Variants in NEGR1 observed in about 807,000 individuals in gnomAD.
The protein encoded by NEGR1 is neuronal growth regulator 1, also known as IgLON family member 4.
A neutral mutation model predicts 40.9 loss-of-function variants in NEGR1; 10 were observed. The ratio of observed to expected loss-of-function variants is 0.24; its 90% CI spans 0.15 to 0.42. The LOEUF (loss-of-function observed/expected upper bound fraction) is 0.42, where lower values mean the gene tolerates loss of function less well. Among genes scored for constraint, NEGR1 ranks in the 10% least tolerant of loss-of-function variants. The probability of loss-of-function intolerance (pLI) is 1.00; values close to 1 mark genes in which losing one functional copy is unlikely to be tolerated. For synonymous variants in NEGR1, 185 were observed against 166.8 expected, an observed-to-expected ratio of 1.11 and a Z score of -0.84; for missense variants, 352 against 438.9, an observed-to-expected ratio of 0.80 and a Z score of 1.77.
Position 71,611,082 on chromosome 1 carries a change from T to G in NEGR1, c.732A>C (p.Arg244Ser), listed in dbSNP as rs763636088. The G allele has an allele frequency of 1.2e-6, 2 of 1,613,872 alleles. No individual in the cohort carries two copies. Among genetic ancestry groups the G allele is most frequent in the African/African-American group, 2.7e-5 (2 of 74,916 alleles). Residue 244 changes from arginine to serine, a missense_variant, in exon 5 of 7, where the codon AGA (arginine) becomes AGC (serine). Physicochemically the swap from Arg to Ser is moderately radical, Grantham distance 110. Transcript: ENST00000357731. ...GAGGCGGCACACCTGCACCTTCACA[T>G]CTTATCAGGCCACTGCGTCCGGGGG... Reference protein sequence around the residue: ...TVTPGRSGLIRCEGAGVPPPA... With the variant: ...TVTPGRSGLISCEGAGVPPPA...
chr1:71,970,597 A>G (rs542912054), intron 1 of NEGR1, among the ~76,000 whole-genome samples: 1 of 152,178 alleles, frequency 6.6e-6, no homozygotes, highest in East Asian at 1.9e-4. Flanking sequence ...TGGGAGGCCG[A>G]GGGAGTAGAA....
At chr1:71,552,984 G>GT (rs1648135999) in intron 6 of NEGR1, among the ~76,000 whole-genome samples, 1 of 151,252 alleles carries the variant, frequency 6.6e-6, no homozygotes, top group Admixed American at 6.6e-5. Context: ...TTAAATTTTT[G>GT]TAACACAGAT....
intron 5 of NEGR1, among the ~76,000 whole-genome samples, chr1:71,602,052 A>G (rs1034791188): frequency 1.3e-5 from 2 of 152,006 alleles, no homozygotes; most frequent in African/African-American, 4.8e-5. Context: ...TAGCTTTCCA[A>G]TACTTCTGGA....
At chr1:72,032,042 G>GTT (rs1646863111) in intron 1 of NEGR1, among the ~76,000 whole-genome samples, 1 of 152,134 alleles carries the variant, frequency 6.6e-6, no homozygotes, top group Non-Finnish European at 1.5e-5. Context: ...AACTCACAGA[G>GTT]CTAAAAATTA....
At chr1:72,208,863 T>A (rs762970964) in intron 1 of NEGR1, among the ~76,000 whole-genome samples, 5 of 151,628 alleles carry the variant, frequency 3.3e-5, no homozygotes, top group Non-Finnish European at 7.4e-5. Flanking sequence ...CAGACAGAAA[T>A]CAAACAGTCA....
rs1325221224 is a variant in NEGR1 at position 72,110,212 on chromosome 1, AGAGTAT to A, written c.176+172101_176+172106del. 1.2e-3 allele frequency among the ~76,000 whole-genome samples: 151 copies of A among 130,322 alleles called. 2 individuals are homozygous for A. The highest frequency in any genetic ancestry group is 4.6e-3 in the African/African-American group (148 of 32,196). 85.5% of individuals were successfully genotyped at this position (130,322 alleles called of 152,430 possible). A position where few individuals can be genotyped will look rare whatever the true frequency, so the allele number is the denominator to read the frequency against. On this transcript the variant is annotated intron_variant, in intron 1 of 6. Transcript: ENST00000357731. ...AATGTGCACATGTACCCTAAAACTT[AGAGTAT>A]AATAAAAAAAAAAAAAAAAAAAAAG...
At chr1:72,114,822 C>CT in intron 1 of NEGR1, among the ~76,000 whole-genome samples, 1 of 151,804 alleles carries the variant, frequency 6.6e-6, no homozygotes, top group East Asian at 1.9e-4. Context: ...GCACACATTC[C>CT]TTTGGAGCAA....
intron 1 of NEGR1, among the ~76,000 whole-genome samples, chr1:72,255,941 G>A (rs1382075525): frequency 6.6e-6 from 1 of 152,144 alleles, no homozygotes; most frequent in African/African-American, 2.4e-5. Flanking sequence ...AAATGATATT[G>A]AAGTCCCAAT....
At chr1:71,817,838 G>A (rs1658282051) in intron 2 of NEGR1, among the ~76,000 whole-genome samples, 1 of 152,038 alleles carries the variant, frequency 6.6e-6, no homozygotes, top group Admixed American at 6.6e-5. Context: ...CTACAGTCAT[G>A]TTGCCAAGTA....
At chr1:72,087,439 A>AAAAT (rs1553138420) in intron 1 of NEGR1, among the ~76,000 whole-genome samples, 1 of 149,514 alleles carries the variant, frequency 6.7e-6, no homozygotes, top group Non-Finnish European at 1.5e-5. Context: ...TCAAAAAAAA[A>AAAAT]ATATATATAT....
intron 2 of NEGR1, among the ~76,000 whole-genome samples, chr1:71,834,015 TTAA>T (rs1297313223): frequency 6.6e-6 from 1 of 152,114 alleles, no homozygotes; most frequent in Non-Finnish European, 1.5e-5. Flanking sequence ...TGGCAGACAA[TTAA>T]TAAATGTTTG....
intron 2 of NEGR1, among the ~76,000 whole-genome samples, chr1:71,808,184 A>G (rs1657850234): frequency 6.6e-6 from 1 of 152,204 alleles, no homozygotes; most frequent in Admixed American, 6.5e-5. Context: ...TTAAGAGGGA[A>G]AATCACTCTG....
chr1:71,706,564 CAAAAA>C (rs35126210), intron 3 of NEGR1, among the ~76,000 whole-genome samples: 2 of 116,306 alleles, frequency 1.7e-5, no homozygotes, highest in African/African-American at 3.4e-5. Flanking sequence ...GTTGCTGCTC[CAAAAA>C]AAAAAAAAAA....
At chr1:71,443,857 T>G (rs929333465) in intron 6 of NEGR1, among the ~76,000 whole-genome samples, 16 of 152,198 alleles carry the variant, frequency 1.1e-4, no homozygotes, top group Non-Finnish European at 7.3e-5. Flanking sequence ...TTAACTGAGG[T>G]CCAGATTTTC....
chr1:71,649,386 A>C (rs1200285670), intron 4 of NEGR1, among the ~76,000 whole-genome samples: 1 of 152,146 alleles, frequency 6.6e-6, no homozygotes, highest in African/African-American at 2.4e-5. Context: ...TGTACATAAG[A>C]GCAAAGTACA....
chr1:71,974,223 T>A (rs1392741772), intron 1 of NEGR1, among the ~76,000 whole-genome samples: 8 of 152,222 alleles, frequency 5.3e-5, no homozygotes, highest in Non-Finnish European at 7.3e-5. Flanking sequence ...TTTTCCATAT[T>A]ACATTACTCA....
chr1:71,947,307 C>T (rs1029165333), intron 1 of NEGR1, among the ~76,000 whole-genome samples: 10 of 151,680 alleles, frequency 6.6e-5, no homozygotes, highest in African/African-American at 2.4e-4. Context: ...GAAATAAAGT[C>T]CAGAATGAAT....
chr1:72,129,112 G>A (rs1429146282), intron 1 of NEGR1, among the ~76,000 whole-genome samples: 1 of 152,050 alleles, frequency 6.6e-6, no homozygotes, highest in Non-Finnish European at 1.5e-5. Flanking sequence ...TCAGATTGTG[G>A]AACTTTTCAG....
chr1:71,570,019 T>C (rs1056491987), intron 6 of NEGR1, among the ~76,000 whole-genome samples: 1 of 152,190 alleles, frequency 6.6e-6, no homozygotes, highest in African/African-American at 2.4e-5. Context: ...ATGACTGTCA[T>C]CTATGTACTT....
Sources: gnomAD v4.1 joint callset for allele counts (sites outside exome capture counted in the v4.1 genomes callset) on GRCh38, gnomAD v4.1.1 for gene constraint, MANE v1.5 for transcripts, NCBI Gene and HGNC (gene_info 2026-07-23, HGNC 2026-07-21) for gene names.